Variants in RGS7 observed in about 807,000 individuals in gnomAD.
The protein encoded by RGS7 is regulator of G protein signaling 7, also known as regulator of G-protein signaling 7.
Under a neutral mutation model 81.1 loss-of-function variants are expected in RGS7, and 27 were observed. The ratio of observed to expected loss-of-function variants is 0.33; its 90% CI spans 0.25 to 0.46. The LOEUF is 0.46. RGS7 is among the 20% of genes least tolerant of loss of function. The pLI, the probability that RGS7 is intolerant of heterozygous loss-of-function variation, is 1.00. For synonymous variants in RGS7, 208 were observed against 207.7 expected (o/e 1.00, Z -0.01); for missense variants, 396 against 607.4 (o/e 0.65, Z 3.66).
chr1:241,082,295 A>G (rs1323263676), intron 3 of RGS7, among the ~76,000 whole-genome samples: 1 of 152,228 alleles, frequency 6.6e-6, no homozygotes, highest in African/African-American at 2.4e-5. Flanking sequence ...AAAATGGCAA[A>G]TTCACATGTT....
chr1:240,866,316 C>A (rs1663236572), intron 9 of RGS7, among the ~76,000 whole-genome samples: 1 of 152,080 alleles, frequency 6.6e-6, no homozygotes, highest in African/African-American at 2.4e-5. Context: ...TCGAGATCAT[C>A]CTTGCTAACA....
At chr1:241,269,890 A>C (rs1408884901) in intron 2 of RGS7, among the ~76,000 whole-genome samples, 3 of 152,198 alleles carry the variant, frequency 2.0e-5, no homozygotes, top group Non-Finnish European at 4.4e-5. Context: ...AGGACTGTGC[A>C]CTCAAAATTG....
chr1:240,922,572 A>G (rs571188494), intron 6 of RGS7, among the ~76,000 whole-genome samples: 1 of 152,272 alleles, frequency 6.6e-6, no homozygotes, highest in African/African-American at 2.4e-5. Flanking sequence ...ATCTGAACAG[A>G]AAACTCAACA....
intron 3 of RGS7, among the ~76,000 whole-genome samples, chr1:241,016,898 C>T (rs530479): frequency 0.83 from 126,885 of 152,200 alleles, 53,625 homozygotes; most frequent in East Asian, 0.99. Flanking sequence ...ATTTGTTGTG[C>T]ATTTTCCTCT....
intron 14 of RGS7, among the ~76,000 whole-genome samples, chr1:240,809,444 G>A (rs558568823): frequency 1.5e-3 from 232 of 152,296 alleles, no homozygotes; most frequent in African/African-American, 5.4e-3. Flanking sequence ...GGACCATTTT[G>A]TCTCCTTCAG....
chr1:240,787,684 T>A (rs1416596805), intron 18 of RGS7, among the ~76,000 whole-genome samples: 1 of 152,078 alleles, frequency 6.6e-6, no homozygotes, highest in Non-Finnish European at 1.5e-5. Flanking sequence ...CTTCAAAAAA[T>A]TATGTAAAGC....
intron 2 of RGS7, among the ~76,000 whole-genome samples, chr1:241,152,378 A>C (rs1395448729): frequency 1.3e-5 from 2 of 152,220 alleles, no homozygotes; most frequent in African/African-American, 4.8e-5. Context: ...TCACTGTTGA[A>C]AATACGATCA....
At chr1:241,135,928 G>C (rs866285781) in intron 2 of RGS7, among the ~76,000 whole-genome samples, 3 of 146,046 alleles carry the variant, frequency 2.1e-5, no homozygotes, top group Non-Finnish European at 3.0e-5. Context: ...GCAGTGACAG[G>C]ACGAATCCCT....
intron 9 of RGS7, among the ~76,000 whole-genome samples, chr1:240,857,848 G>C (rs1661432701): frequency 6.6e-6 from 1 of 152,044 alleles, no homozygotes; most frequent in Non-Finnish European, 1.5e-5. Flanking sequence ...CATGGGGGTG[G>C]TTACCCCCAC....
intron 14 of RGS7, among the ~76,000 whole-genome samples, chr1:240,809,075 A>T (rs1217651833): frequency 6.6e-6 from 1 of 152,178 alleles, no homozygotes; most frequent in Admixed American, 6.6e-5. Context: ...GATATAAATT[A>T]TATAGAAGGC....
At chr1:241,200,837 C>A (rs2073445576) in intron 2 of RGS7, among the ~76,000 whole-genome samples, 1 of 152,206 alleles carries the variant, frequency 6.6e-6, no homozygotes, top group Non-Finnish European at 1.5e-5. Context: ...CATTAAATTT[C>A]TCACTGCACT....
chr1:241,121,365 G>A (rs2102996176), intron 2 of RGS7, among the ~76,000 whole-genome samples: 1 of 152,320 alleles, frequency 6.6e-6, no homozygotes, highest in African/African-American at 2.4e-5. Flanking sequence ...ATACACCTGG[G>A]AGAGACCTTG....
intron 2 of RGS7, among the ~76,000 whole-genome samples, chr1:241,140,865 A>T (rs1000272754): frequency 6.6e-6 from 1 of 152,186 alleles, no homozygotes; most frequent in African/African-American, 2.4e-5. Flanking sequence ...AACTTAAAGT[A>T]GTTTCTTCAG....
chr1:241,255,653 A>G (rs933469285), intron 2 of RGS7, among the ~76,000 whole-genome samples: 5 of 152,200 alleles, frequency 3.3e-5, no homozygotes, highest in Non-Finnish European at 7.3e-5. Context: ...GAGATCTGCA[A>G]TGTGCTTCCT....
At chr1:241,076,377 C>G (rs911812505) in intron 3 of RGS7, among the ~76,000 whole-genome samples, 3 of 152,140 alleles carry the variant, frequency 2.0e-5, no homozygotes, top group Non-Finnish European at 4.4e-5. Flanking sequence ...TTACATTCCT[C>G]CCTAATTAGT....
At chr1:241,183,508 T>C (rs1000354546) in intron 2 of RGS7, among the ~76,000 whole-genome samples, 7 of 152,180 alleles carry the variant, frequency 4.6e-5, no homozygotes, top group Non-Finnish European at 8.8e-5. Flanking sequence ...ACAGTCTAGA[T>C]ATATCAAGTA....
chr1:241,016,590 C>T (rs897151242), intron 3 of RGS7, among the ~76,000 whole-genome samples: 14 of 151,640 alleles, frequency 9.2e-5, no homozygotes, highest in African/African-American at 3.1e-4. Flanking sequence ...CCCATAACAA[C>T]GTGAGAACAA....
intron 6 of RGS7, among the ~76,000 whole-genome samples, chr1:240,916,104 A>T (rs1420852962): frequency 6.8e-6 from 1 of 147,200 alleles, no homozygotes; most frequent in East Asian, 2.0e-4. Flanking sequence ...GTCTACTAAA[A>T]ATACCAAAAA....
At chr1:241,304,748 C>T (rs757130332) in intron 2 of RGS7, among the ~76,000 whole-genome samples, 30 of 152,030 alleles carry the variant, frequency 2.0e-4, no homozygotes, top group African/African-American at 5.8e-4. Context: ...ATAGTTACTG[C>T]GCTGGCTTAA....
Sources: allele counts gnomAD v4.1 joint callset (sites outside exome capture counted in the v4.1 genomes callset), GRCh38; gene constraint gnomAD v4.1.1; transcripts MANE v1.5; gene names NCBI Gene and HGNC (gene_info 2026-07-23, HGNC 2026-07-21).